Variants in SORCS3 observed in about 807,000 individuals in gnomAD.
SORCS3 encodes sortilin related VPS10 domain containing receptor 3, also known as VPS10 domain-containing receptor SorCS3.
Under a neutral mutation model 146.3 loss-of-function variants are expected in SORCS3, and 57 were observed. The ratio of observed to expected loss-of-function variants is 0.39; its 90% CI spans 0.31 to 0.49. SORCS3 has a LOEUF of 0.49. Ranked by LOEUF, SORCS3 falls within the 20% of genes least tolerant of loss-of-function variation. The pLI is 0.92. For missense variants in SORCS3, 1,341 were observed against 1,575.5 expected, an observed-to-expected ratio of 0.85 and a Z score of 2.52; for synonymous variants, 653 against 618.5, an observed-to-expected ratio of 1.06 and a Z score of -0.83.
At chr10:104,804,984 A>G (rs1308674060) in intron 1 of SORCS3, among the ~76,000 whole-genome samples, 1 of 152,190 alleles carries the variant, frequency 6.6e-6, no homozygotes, top group Non-Finnish European at 1.5e-5. Context: ...TAGATCCATG[A>G]GAGAAGACAA....
At chr10:104,788,439 T>C (rs1347227163) in intron 1 of SORCS3, among the ~76,000 whole-genome samples, 1 of 152,178 alleles carries the variant, frequency 6.6e-6, no homozygotes, top group Non-Finnish European at 1.5e-5. Context: ...CGGTGCAGTA[T>C]ATATAGTATG....
At chr10:105,242,509 TA>T (rs2056834741) in intron 20 of SORCS3, among the ~76,000 whole-genome samples, 1 of 50,628 alleles carries the variant, frequency 2.0e-5, no homozygotes, top group African/African-American at 7.8e-5. Flanking sequence ...TATTTATATA[TA>T]TTTATATACA....
At chr10:104,883,914 GT>G (rs1450124807) in intron 2 of SORCS3, among the ~76,000 whole-genome samples, 3 of 151,498 alleles carry the variant, frequency 2.0e-5, no homozygotes, top group Non-Finnish European at 4.4e-5. Context: ...TCTTTTTCCT[GT>G]GGCAAACAGC....
intron 1 of SORCS3, among the ~76,000 whole-genome samples, chr10:104,674,062 A>G (rs1345634582): frequency 6.6e-6 from 1 of 152,238 alleles, no homozygotes; most frequent in Non-Finnish European, 1.5e-5. Flanking sequence ...CTCACCACCC[A>G]AACAAGATCA....
At chr10:105,222,617 C>T (rs371143000) in intron 19 of SORCS3, among the ~76,000 whole-genome samples, 8 of 152,244 alleles carry the variant, frequency 5.3e-5, no homozygotes, top group African/African-American at 1.9e-4. Context: ...TGGAAAACAG[C>T]CTTGCCAGTT....
rs546795050 is a variant in SORCS3, at chr10:104,923,666, G to A, written c.795+7734G>A. Among the ~76,000 whole-genome samples, 11 of 152,254 alleles carry A rather than the reference G, an allele frequency of 7.2e-5. No homozygotes were observed. The East Asian group carries it at 2.1e-3, about 29-fold the overall frequency. On this transcript the variant is annotated intron_variant, in intron 3 of 26. Coordinates refer to ENST00000369701, the MANE Select transcript of SORCS3 (RefSeq NM_014978.3). ...ATAGAGGACACCAAGTGTTGCAATA[G>A]GGAGTGGGAGCTTAGCTCTGCTGTA... is the stretch of plus-strand genomic sequence containing the variant.
intron 5 of SORCS3, among the ~76,000 whole-genome samples, chr10:105,086,629 G>A (rs187074203): frequency 3.1e-3 from 471 of 152,234 alleles, no homozygotes; most frequent in Non-Finnish European, 4.7e-3. Context: ...TTTCTTTTTA[G>A]TATAGCATAG....
rs766895830 is a variant in SORCS3 at position 104,677,852 on chromosome 10, G to C, written c.627+35898G>C. Among the ~76,000 whole-genome samples the C allele has an allele frequency of 5.9e-4, 90 of 152,114 alleles. 1 individual carries two copies. The highest frequency in any genetic ancestry group is 3.7e-3 in the Admixed American group (57 of 15,278). ...CCATCTTCATTCCTGGAAACATAGG[G>C]GGTGAAGAGAGAGAGAGAGAGACTG... On this transcript the variant is annotated intron_variant, in intron 1 of 26. Coordinates refer to ENST00000369701, the MANE Select transcript of SORCS3 (RefSeq NM_014978.3).
At chr10:104,777,860 G>A (rs556851760) in intron 1 of SORCS3, among the ~76,000 whole-genome samples, 191 of 152,206 alleles carry the variant, frequency 1.3e-3, no homozygotes, top group African/African-American at 4.4e-3. Context: ...ACTTGCCCAC[G>A]CATTTGAGTT....
At chr10:104,785,981 T>C (rs961002332) in intron 1 of SORCS3, among the ~76,000 whole-genome samples, 4 of 152,180 alleles carry the variant, frequency 2.6e-5, no homozygotes, top group Admixed American at 2.0e-4. Flanking sequence ...TACAGGACAC[T>C]TCTTGGAGGC....
In SORCS3 at chr10:105,139,504, A is replaced by T; in HGVS notation, c.1302+18A>T. ...TGCCAAAGGTACTGCATGCACCACTAGCGGTCCTGGGTCCCTCTAGGCAAA... is the reference window on the plus strand; with the variant it reads ...TGCCAAAGGTACTGCATGCACCACTTGCGGTCCTGGGTCCCTCTAGGCAAA... On this transcript the variant is annotated intron_variant, in intron 8 of 26. Transcript: ENST00000369701. 6.2e-7 allele frequency: 1 copy of T among 1,602,230 alleles called. No individual in the cohort carries two copies. The highest frequency in any genetic ancestry group is 8.5e-7 in the Non-Finnish European group (1 of 1,169,614).
chr10:105,177,448 G>GT (rs2056413771), intron 13 of SORCS3, among the ~76,000 whole-genome samples: 1 of 152,116 alleles, frequency 6.6e-6, no homozygotes, highest in East Asian at 1.9e-4. Flanking sequence ...TCTTCCACTA[G>GT]TTACATCTCT....
intron 1 of SORCS3, among the ~76,000 whole-genome samples, chr10:104,704,272 A>G (rs1302497310): frequency 6.6e-6 from 1 of 151,110 alleles, no homozygotes; most frequent in Admixed American, 6.6e-5. Flanking sequence ...GACTCAAGTG[A>G]TCCTCCCACC....
chr10:104,975,711 A>T (rs1393485272), intron 3 of SORCS3, among the ~76,000 whole-genome samples: 1 of 152,208 alleles, frequency 6.6e-6, no homozygotes, highest in Non-Finnish European at 1.5e-5. Flanking sequence ...ACCAAAACAG[A>T]GATATAGATC....
At chr10:105,081,235 A>G (rs534432389) in intron 5 of SORCS3, among the ~76,000 whole-genome samples, 4 of 152,342 alleles carry the variant, frequency 2.6e-5, no homozygotes, top group East Asian at 1.9e-4. Context: ...GCATACCCCA[A>G]TATTCAGTGT....
chr10:104,815,701 A>C (rs990892199), intron 1 of SORCS3, among the ~76,000 whole-genome samples: 2 of 152,126 alleles, frequency 1.3e-5, no homozygotes, highest in Non-Finnish European at 2.9e-5. Context: ...AGGCAAAATC[A>C]ATACATAAAA....
At chr10:104,696,729 A>T (rs1215877555) in intron 1 of SORCS3, among the ~76,000 whole-genome samples, 1 of 77,824 alleles carries the variant, frequency 1.3e-5, no homozygotes, top group African/African-American at 5.2e-5. Flanking sequence ...TAACATATAT[A>T]ATATATAATA....
At chr10:105,007,326 A>C (rs12256951) in intron 4 of SORCS3, among the ~76,000 whole-genome samples, 26,484 of 138,784 alleles carry the variant, frequency 0.19, 2,736 homozygotes, top group African/African-American at 0.31. Context: ...AAAATACACA[A>C]AACAACAACA....
chr10:104,747,418 C>G (rs1235871763), intron 1 of SORCS3, among the ~76,000 whole-genome samples: 1 of 152,100 alleles, frequency 6.6e-6, no homozygotes, highest in East Asian at 1.9e-4. Context: ...CTTCTCAGCT[C>G]TAGTGAGGTA....
Sources: gnomAD v4.1 joint callset for allele counts (sites outside exome capture counted in the v4.1 genomes callset) on GRCh38, gnomAD v4.1.1 for gene constraint, MANE v1.5 for transcripts, NCBI Gene and HGNC (gene_info 2026-07-23, HGNC 2026-07-21) for gene names.